The following UBQLN1 variants were observed in gnomAD, a reference collection of about 807,000 sequenced individuals.
The protein encoded by UBQLN1 is ubiquilin 1.
In UBQLN1, 13 loss-of-function variants were observed where a neutral mutation model predicts 65.4. The ratio of observed to expected loss-of-function variants is 0.20; its 90% CI spans 0.13 to 0.32. The LOEUF is 0.32. Among genes scored for constraint, UBQLN1 ranks in the 10% least tolerant of loss-of-function variants. The probability of loss-of-function intolerance (pLI) is 1.00; values close to 1 mark genes in which losing one functional copy is unlikely to be tolerated. For missense variants in UBQLN1, 561 were observed against 724.0 expected (o/e 0.77, Z 2.58); for synonymous variants, 267 against 247.8 (o/e 1.08, Z -0.73).
At chr9:83,677,626 T>C (rs917137457) in intron 6 of UBQLN1, 101 bp downstream of exon 6, 3 of 818,702 alleles carry the variant, frequency 3.7e-6, no homozygotes, top group South Asian at 1.9e-5. Flanking sequence ...AGATACTCAC[T>C]ATACATACAC....
At chr9:83,666,502 C>T in intron 7 of UBQLN1, 69 bp from the exon 8 acceptor site, 1 of 1,489,254 alleles carries the variant, frequency 6.7e-7, no homozygotes, top group South Asian at 1.2e-5. Flanking sequence ...TTGTTTTATT[C>T]TATCTTCCCC....
intron 6 of UBQLN1, among the ~76,000 whole-genome samples, chr9:83,675,487 CAAG>C (rs1042243486): frequency 2.0e-5 from 3 of 150,792 alleles, no homozygotes; most frequent in African/African-American, 7.3e-5. Flanking sequence ...AAAAAAATCA[CAAG>C]AAGCAAGACC....
At chr9:83,662,016 AT>A (rs1831566999) in intron 10 of UBQLN1, 77 bp from the exon 11 acceptor site, 1 of 1,407,916 alleles carries the variant, frequency 7.1e-7, no homozygotes, top group Non-Finnish European at 9.7e-7. Context: ...AAATTTTTTA[AT>A]TGCTTTTTTA....
chr9:83,692,231 T>G (rs1333142301), intron 1 of UBQLN1, among the ~76,000 whole-genome samples: 1 of 152,248 alleles, frequency 6.6e-6, no homozygotes, highest in Non-Finnish European at 1.5e-5. Flanking sequence ...TGTAGTGTTT[T>G]TATCTAAATG....
intron 10 of UBQLN1, among the ~76,000 whole-genome samples, chr9:83,663,114 G>A (rs9987871): frequency 0.19 from 28,992 of 149,338 alleles, 3,074 homozygotes; most frequent in African/African-American, 0.24. Flanking sequence ...GAGGAAAAAG[G>A]GGAAAGGGGG....
At position 83,660,677 on chromosome 9, in the gene UBQLN1, C is replaced by T. The variant is rs1248384376; in HGVS notation, c.*1110G>A. ...ATTCCGCTGCCCCACCCCCCCACCC[C>T]GTCCCCCTTTCTCTGAGGCTCTGAA... On this transcript the variant is annotated 3_prime_UTR_variant, in exon 11 of 11. Coordinates refer to ENST00000376395, the MANE Select transcript of UBQLN1 (RefSeq NM_013438.5). The T allele has an allele frequency of 2.0e-5, 3 of 147,268 alleles. No homozygotes were observed. Among genetic ancestry groups the T allele is most frequent in the South Asian group, 2.2e-4 (1 of 4,562 alleles). The allele number at this position is 147,268 out of a possible 1,614,324, so 9.1% of individuals were successfully genotyped here.
intron 6 of UBQLN1, among the ~76,000 whole-genome samples, chr9:83,674,487 AC>A (rs1831796455): frequency 6.6e-6 from 1 of 152,220 alleles, no homozygotes; most frequent in Non-Finnish European, 1.5e-5. Context: ...TGAAAATAAG[AC>A]TGCAACCAAA....
At chr9:83,696,215 C>A (rs996671035) in intron 1 of UBQLN1, among the ~76,000 whole-genome samples, 1 of 152,172 alleles carries the variant, frequency 6.6e-6, no homozygotes, top group African/African-American at 2.4e-5. Context: ...TTATAAAGTA[C>A]AACATGATGT....
intron 6 of UBQLN1, among the ~76,000 whole-genome samples, chr9:83,673,546 T>TAAA (rs762494390): frequency 1.6e-3 from 124 of 75,476 alleles, no homozygotes; most frequent in South Asian, 8.6e-3. Context: ...CTCGGTCTTT[T>TAAA]AAAAAAAAAA....
chr9:83,692,007 A>C (rs1186254169), intron 1 of UBQLN1, among the ~76,000 whole-genome samples: 1 of 152,204 alleles, frequency 6.6e-6, no homozygotes, highest in Admixed American at 6.5e-5. Context: ...TCCAAGTAGA[A>C]GGCTACTGTT....
In UBQLN1 at chr9:83,695,967, G is replaced by A. The variant is rs1564171756; in HGVS notation, c.181-9812C>T. ...AATTAATTTTTTTTTTTGAGTCGGAGTCTCACTCTGTTGCCAGGATAGAGT... is the reference window on the plus strand; with the variant it reads ...AATTAATTTTTTTTTTTGAGTCGGAATCTCACTCTGTTGCCAGGATAGAGT... On this transcript the variant is annotated intron_variant, in intron 1 of 10. Coordinates refer to ENST00000376395, the MANE Select transcript of UBQLN1 (RefSeq NM_013438.5). Among the ~76,000 whole-genome samples the A allele has an allele frequency of 5.9e-5, 9 of 151,676 alleles. No individual in the cohort carries two copies. In the South Asian group the frequency reaches 1.5e-3, roughly 24 times the overall value.
chr9:83,694,062 A>G (rs1003418312), intron 1 of UBQLN1, among the ~76,000 whole-genome samples: 4 of 152,238 alleles, frequency 2.6e-5, no homozygotes, highest in African/African-American at 7.2e-5. Context: ...TAAAAGCAAC[A>G]TTGTCACCCT....
At chr9:83,674,837 G>C (rs564046316) in intron 6 of UBQLN1, among the ~76,000 whole-genome samples, 2 of 152,300 alleles carry the variant, frequency 1.3e-5, no homozygotes, top group Non-Finnish European at 2.9e-5. Flanking sequence ...ACCAGGGTAA[G>C]ACCATTTTTT....
intron 9 of UBQLN1, 83 bp downstream of exon 9, chr9:83,664,947 G>T: frequency 3.0e-5 from 15 of 499,850 alleles, no homozygotes; most frequent in South Asian, 5.9e-5. Flanking sequence ...AAAAAAAAAA[G>T]GCAGGCAGAA....
intron 8 of UBQLN1, among the ~76,000 whole-genome samples, chr9:83,665,577 C>T (rs1351852630): frequency 1.3e-5 from 2 of 152,160 alleles, no homozygotes; most frequent in African/African-American, 2.4e-5. Flanking sequence ...CACTCTAAAA[C>T]AACAGTTCCA....
chr9:83,692,950 A>G (rs1240201597), intron 1 of UBQLN1, among the ~76,000 whole-genome samples: 1 of 152,186 alleles, frequency 6.6e-6, no homozygotes, highest in South Asian at 2.1e-4. Context: ...TAAAAAGATT[A>G]CCTAGATTAA....
Position 83,677,711 on chromosome 9 carries a change from G to A in UBQLN1, c.1105+16C>T. The A allele has an allele frequency of 6.3e-7, 1 of 1,583,164 alleles. No individual in the cohort carries two copies. Among genetic ancestry groups the A allele is most frequent in the Non-Finnish European group, 8.6e-7 (1 of 1,158,862 alleles). On this transcript the variant is annotated intron_variant, in intron 6 of 10. Coordinates refer to ENST00000376395, the MANE Select transcript of UBQLN1 (RefSeq NM_013438.5). Reference sequence around the variant, plus strand: ...GAGGACAACAAAGAAAAAAGCCTGAGTTGTTAAAAGCATACCTCCTACTCC... The same window carrying A: ...GAGGACAACAAAGAAAAAAGCCTGAATTGTTAAAAGCATACCTCCTACTCC...
At position 83,707,638 on chromosome 9, in the gene UBQLN1, C is replaced by G; in HGVS notation, c.42G>C (p.Gln14His). Residue 14 changes from glutamine (Q) to histidine (H), a missense_variant, in exon 1 of 11, where the codon CAG (glutamine) becomes CAC (histidine). Physicochemically the swap from Gln to His is conservative, Grantham distance 24 (BLOSUM62 0). Transcript: ENST00000376395. The stretch of plus-strand genomic sequence containing the variant: ...CACCTTCGGCTCCGGCGGCGCTATC[C>G]TGGGAGCCCGGAGGACCGCCGCTTT... ...SGESGGPPGSQDSAAGAEGAG... is the reference protein window; with the variant it reads ...SGESGGPPGSHDSAAGAEGAG... 6.4e-7 allele frequency: 1 copy of G among 1,573,364 alleles called. No individual in the cohort carries two copies. The highest frequency in any genetic ancestry group is 8.6e-7 in the Non-Finnish European group (1 of 1,160,310).
At chr9:83,673,586 CT>C (rs1308973482) in intron 6 of UBQLN1, among the ~76,000 whole-genome samples, 1 of 135,120 alleles carries the variant, frequency 7.4e-6, no homozygotes, top group Non-Finnish European at 1.6e-5. Context: ...AAAAACTGCG[CT>C]TACGTTTTTA....
Sources: allele counts gnomAD v4.1 joint callset (sites outside exome capture counted in the v4.1 genomes callset), GRCh38; gene constraint gnomAD v4.1.1; transcripts MANE v1.5; gene names NCBI Gene and HGNC (gene_info 2026-07-23, HGNC 2026-07-21).